KIDINS220: variants seen among roughly 807,000 people sequenced by gnomAD.
KIDINS220 encodes the protein kinase D interacting substrate 220, also known as kinase D-interacting substrate of 220 kDa.
KIDINS220 carries 63 observed loss-of-function variants against 157.6 expected under a neutral mutation model. That is an observed-to-expected ratio of 0.40 (90% CI 0.33 to 0.49). The LOEUF is 0.49. KIDINS220 is among the 20% of genes least tolerant of loss of function. The pLI is 0.66. For missense variants in KIDINS220, 1,772 were observed against 2,171.2 expected (o/e 0.82, Z 3.65); for synonymous variants, 732 against 783.6 (o/e 0.93, Z 1.10).
Position 8,817,677 on chromosome 2 carries a change from G to T in KIDINS220, c.247C>A (p.His83Asn). 1 of 1,607,188 alleles carries T rather than the reference G, an allele frequency of 6.2e-7. No homozygotes were observed. The highest frequency in any genetic ancestry group is 1.3e-5 in the African/African-American group (1 of 74,874). The change falls in exon 4 of 30, where the codon CAT becomes AAT. Residue 83 changes from histidine to asparagine, a missense_variant. Physicochemically the swap from His to Asn is moderately conservative, Grantham distance 68. This residue lies in a region of KIDINS220 where 254 missense variants were observed against 268.6 expected (regional missense o/e 0.95). Coordinates refer to ENST00000256707, the MANE Select transcript of KIDINS220 (RefSeq NM_020738.4). Reference protein sequence around the residue: ...TALISASKEGHVHIVEELLKC... With the variant: ...TALISASKEGNVHIVEELLKC... ...AGTAGTTCCTCTACGATGTGCACAT[G>T]CCCTTCTTTCGATGCAGATATAAGT...
intron 26 of KIDINS220, among the ~76,000 whole-genome samples, chr2:8,744,768 T>C (rs1339735153): frequency 6.6e-6 from 1 of 152,068 alleles, no homozygotes; most frequent in Non-Finnish European, 1.5e-5. Flanking sequence ...AGCTTTCAAT[T>C]TGGCATTGAA....
intron 26 of KIDINS220, among the ~76,000 whole-genome samples, chr2:8,741,870 A>G (rs1424220697): frequency 6.6e-6 from 1 of 152,234 alleles, no homozygotes; most frequent in East Asian, 1.9e-4. Flanking sequence ...ATTCAAACAG[A>G]ATAGTACAAA....
At chr2:8,758,951 A>C (rs1252301884) in intron 22 of KIDINS220, among the ~76,000 whole-genome samples, 1 of 152,214 alleles carries the variant, frequency 6.6e-6, no homozygotes, top group Non-Finnish European at 1.5e-5. Flanking sequence ...AACAGAGAAA[A>C]GAACTTGCCA....
At chr2:8,815,694 T>C (rs1676989268) in intron 4 of KIDINS220, among the ~76,000 whole-genome samples, 1 of 152,102 alleles carries the variant, frequency 6.6e-6, no homozygotes, top group Non-Finnish European at 1.5e-5. Context: ...TAAAGAATAA[T>C]GTCCCTCTGG....
intron 21 of KIDINS220, among the ~76,000 whole-genome samples, chr2:8,776,203 T>C (rs1384251711): frequency 6.6e-6 from 1 of 152,122 alleles, no homozygotes; most frequent in Non-Finnish European, 1.5e-5. Flanking sequence ...CACTAGTAAA[T>C]ATTACAAAGT....
intron 22 of KIDINS220, among the ~76,000 whole-genome samples, chr2:8,767,987 T>A (rs1669692454): frequency 6.6e-6 from 1 of 152,172 alleles, no homozygotes; most frequent in Admixed American, 6.5e-5. Context: ...AATGTTGTTA[T>A]CCTTATCACA....
In KIDINS220 at chr2:8,747,898, T is replaced by C; in HGVS notation, c.3517A>G (p.Asn1173Asp). ...SVKTSLPRDQ[N>D]NGLEVIKEDA... ...TTTTATATACTTACTAGGCCATTGT[T>C]CTGATCTCTGGGCAAACTCGTTTTT... The change falls in exon 25 of 30, where the codon AAC becomes GAC. Residue 1173 changes from asparagine to aspartate, a missense_variant. Physicochemically the swap from Asn to Asp is conservative, Grantham distance 23. This residue lies in a region of KIDINS220 where 793 missense variants were observed against 885.5 expected (regional missense o/e 0.90). Coordinates refer to ENST00000256707, the MANE Select transcript of KIDINS220 (RefSeq NM_020738.4). 6.3e-7 allele frequency: 1 copy of C among 1,598,672 alleles called. No homozygotes were observed. The highest frequency in any genetic ancestry group is 1.7e-4 in the Middle Eastern group (1 of 6,030).
In KIDINS220 at chr2:8,730,952, G is replaced by A. The variant is rs755379701; in HGVS notation, c.5084C>T (p.Ala1695Val). 1.9e-5 allele frequency: 31 copies of A among 1,614,198 alleles called. No individual in the cohort carries two copies. Among genetic ancestry groups the A allele is most frequent in the Non-Finnish European group, 2.5e-5 (29 of 1,180,036 alleles). The change falls in exon 30 of 30, where the codon GCC becomes GTC. Residue 1695 changes from alanine to valine, a missense_variant. Physicochemically the swap from Ala to Val is moderately conservative, Grantham distance 64. This residue lies in a region of KIDINS220 where 793 missense variants were observed against 885.5 expected (regional missense o/e 0.90). Transcript: ENST00000256707. ...LNNNSAPANRANQNFDEMEGI... is the reference protein window; with the variant it reads ...LNNNSAPANRVNQNFDEMEGI... ...CTCCATCTCATCGAAATTTTGATTG[G>A]CTCTGTTGGCTGGAGCACTATTGTT...
chr2:8,770,582 T>G, intron 22 of KIDINS220, 88 bp downstream of exon 22: 1 of 720,760 alleles, frequency 1.4e-6, no homozygotes, highest in Non-Finnish European at 2.2e-6. Flanking sequence ...ATACATATTA[T>G]TTTGTATTGT....
At chr2:8,742,299 C>G (rs1177239085) in intron 26 of KIDINS220, among the ~76,000 whole-genome samples, 1 of 150,208 alleles carries the variant, frequency 6.7e-6, no homozygotes. Flanking sequence ...AATGGTCTTG[C>G]TATGTTGCCT....
chr2:8,776,980 C>CAAAAAA, intron 20 of KIDINS220, 88 bp from the exon 21 acceptor site: 1 of 1,251,396 alleles, frequency 8.0e-7, no homozygotes, highest in Non-Finnish European at 1.1e-6. Context: ...ATGTTTATAA[C>CAAAAAA]AAAAAAAAAA....
chr2:8,790,944 G>T, intron 13 of KIDINS220, 116 bp downstream of exon 13: 1 of 877,920 alleles, frequency 1.1e-6, no homozygotes, highest in Non-Finnish European at 1.7e-6. Flanking sequence ...GTTCATCTCA[G>T]TAAACCACAT....
intron 22 of KIDINS220, among the ~76,000 whole-genome samples, chr2:8,766,011 C>T (rs1313377615): frequency 6.6e-6 from 1 of 152,098 alleles, no homozygotes; most frequent in Non-Finnish European, 1.5e-5. Context: ...CAACAGGCTT[C>T]CCTAACTCAG....
At chr2:8,788,504 G>C (rs1672725059) in intron 15 of KIDINS220, 143 bp downstream of exon 15, 3 of 661,682 alleles carry the variant, frequency 4.5e-6, no homozygotes, top group South Asian at 3.9e-5. Context: ...CCTGACCTCA[G>C]GTGATCTGCC....
chr2:8,770,240 C>CA (rs964948850), intron 22 of KIDINS220, among the ~76,000 whole-genome samples: 4 of 151,822 alleles, frequency 2.6e-5, no homozygotes, highest in African/African-American at 9.7e-5. Context: ...CCCGCCTCTA[C>CA]AAAAAAATAA....
chr2:8,835,215 T>C (rs916857311), intron 1 of KIDINS220, among the ~76,000 whole-genome samples: 2 of 152,188 alleles, frequency 1.3e-5, no homozygotes, highest in African/African-American at 4.8e-5. Flanking sequence ...ATTACAGATC[T>C]AGAACAGGTA....
chr2:8,772,579 T>A (rs1670378607), intron 21 of KIDINS220, among the ~76,000 whole-genome samples: 1 of 152,166 alleles, frequency 6.6e-6, no homozygotes, highest in African/African-American at 2.4e-5. Context: ...ATCCTAAGAA[T>A]ATATCTAGCC....
intron 17 of KIDINS220, among the ~76,000 whole-genome samples, chr2:8,780,246 A>G (rs1052177639): frequency 5.9e-5 from 9 of 151,720 alleles, no homozygotes; most frequent in Admixed American, 4.0e-4. Flanking sequence ...TCAATTTGCT[A>G]TTTTTAAAAA....
chr2:8,752,709 T>A (rs980052430), intron 22 of KIDINS220, among the ~76,000 whole-genome samples: 3 of 152,082 alleles, frequency 2.0e-5, no homozygotes, highest in African/African-American at 7.2e-5. Context: ...ATTACACAGA[T>A]TAAAAAAAAG....
Sources: gnomAD v4.1 joint callset for allele counts (sites outside exome capture counted in the v4.1 genomes callset) on GRCh38, gnomAD v4.1.1 for gene constraint, gnomAD v4.1.1 regional missense constraint, MANE v1.5 for transcripts, NCBI Gene and HGNC (gene_info 2026-07-23, HGNC 2026-07-21) for gene names.